The following DRP2 variants were observed in gnomAD, a reference collection of about 807,000 sequenced individuals.
The protein encoded by DRP2 is dystrophin related protein 2, also known as dystrophin-related protein 2.
DRP2 carries 29 observed loss-of-function variants against 78.2 expected under a neutral mutation model. The observed-to-expected ratio is 0.37, with a 90% CI of 0.28 to 0.51. The LOEUF is 0.51. Among genes scored for constraint, DRP2 ranks in the 20% least tolerant of loss-of-function variants. The pLI, the probability that DRP2 is intolerant of heterozygous loss-of-function variation, is 0.94. For synonymous variants in DRP2, 290 were observed against 281.9 expected (o/e 1.03, Z -0.29); for missense variants, 686 against 770.6 (o/e 0.89, Z 1.30).
intron 16 of DRP2, chrX:101,251,349 A>G (rs1418271065): frequency 4.7e-6 from 1 of 214,651 alleles, no homozygotes; most frequent in East Asian, 8.9e-5. Context: ...AAGAGCACCT[A>G]TGTACTAAAT....
intron 6 of DRP2, among the ~76,000 whole-genome samples, chrX:101,239,528 T>C (rs751695864): frequency 8.9e-6 from 1 of 111,834 alleles, no homozygotes; most frequent in East Asian, 2.8e-4. Context: ...AGATCACTTG[T>C]GCCCAGAAAT....
At chrX:101,254,366 C>A in intron 17 of DRP2, 59 bp from the exon 18 acceptor site, 1 of 1,196,255 alleles carries the variant, frequency 8.4e-7, no homozygotes, top group Non-Finnish European at 1.1e-6. Context: ...AGCAGCCACA[C>A]CTGCCCAGTA....
chrX:101,224,191 G>GTTTTTTTTTT (rs1167730116), intron 1 of DRP2, among the ~76,000 whole-genome samples: 656 of 38,767 alleles, frequency 0.017, 32 homozygotes, highest in Middle Eastern at 0.043. Flanking sequence ...GGTTTTTTTT[G>GTTTTTTTTTT]TTTTTTTTTT....
In DRP2 at chrX:101,231,746, C is replaced by G. The variant is rs200044530; in HGVS notation, c.99C>G (p.Ser33Arg). 1 of 1,205,226 alleles carries G rather than the reference C, an allele frequency of 8.3e-7. No homozygotes were observed. Among genetic ancestry groups the G allele is most frequent in the African/African-American group, 1.8e-5 (1 of 56,897 alleles). The change falls in exon 3 of 24, where the codon AGC becomes AGG. Residue 33 changes from serine to arginine, a missense_variant. Transcript: ENST00000395209. ...TCCATCATAGCAGCAGCCTCCGAAG[C>G]ACCTGCCCCCACCCTCAGGTAAGAG... Reference protein sequence around the residue: ...DQFHHSSSLRSTCPHPQVRAA... With the variant: ...DQFHHSSSLRRTCPHPQVRAA...
At chrX:101,241,584 A>G (rs1371428138) in intron 6 of DRP2, 84 bp from the exon 7 acceptor site, 1 of 1,092,757 alleles carries the variant, frequency 9.2e-7, no homozygotes, top group Non-Finnish European at 1.2e-6. Flanking sequence ...ATACACACAC[A>G]TTTTATAAAG....
Position 101,248,589 on chromosome X carries a change from A to G in DRP2, c.1530A>G (p.Glu510=). The G allele has an allele frequency of 8.3e-7, 1 of 1,210,891 alleles. No individual in the cohort carries two copies. The highest frequency in any genetic ancestry group is 1.1e-6 in the Non-Finnish European group (1 of 894,419). ...IACLCGTEVK[E]KLQYLFSQVA... ...GCTTGTGTGGCACGGAAGTGAAGGAAAAACTTCAGTGTGAGTAGAACTCCA... is the reference window on the plus strand; with the variant it reads ...GCTTGTGTGGCACGGAAGTGAAGGAGAAACTTCAGTGTGAGTAGAACTCCA... The change falls in exon 14 of 24, where the codon GAA becomes GAG. Residue 510 remains glutamate (E), a synonymous_variant. Coordinates refer to ENST00000395209, the MANE Select transcript of DRP2 (RefSeq NM_001939.3).
At chrX:101,240,333 C>CCAGCCTCAGCCT (rs59026909) in intron 6 of DRP2, among the ~76,000 whole-genome samples, 4 of 108,810 alleles carry the variant, frequency 3.7e-5, no homozygotes, top group Admixed American at 2.0e-4. Context: ...AAGCTATCCT[C>CCAGCCTCAGCCT]CAGCCTCAGC....
At position 101,258,472 on chromosome X, in the gene DRP2, C is replaced by T. The variant is rs1569509960; in HGVS notation, c.2554C>T (p.Arg852Cys). 9 of 1,198,615 alleles carry T rather than the reference C, an allele frequency of 7.5e-6. No individual in the cohort carries two copies. The highest frequency in any genetic ancestry group is 2.3e-5 in the Admixed American group (1 of 44,289). ...GCAACATAAGAGCCGCCTGGAGACG[C>T]GCATGCAGATCCTCGAAGATCACAA... ...LRQHKSRLETRMQILEDHNKQ... is the reference protein window; with the variant it reads ...LRQHKSRLETCMQILEDHNKQ... The change falls in exon 22 of 24, where the codon CGC (arginine) becomes TGC (cysteine). Residue 852 changes from arginine to cysteine, a missense_variant. Arg to Cys is a radical substitution (Grantham distance 180). Transcript: ENST00000395209.
intron 17 of DRP2, among the ~76,000 whole-genome samples, chrX:101,253,626 A>G (rs1395856981): frequency 1.1e-5 from 1 of 88,810 alleles, no homozygotes; most frequent in Non-Finnish European, 2.1e-5. Context: ...GCTCACTGCA[A>G]CCTCTGCCTC....
rs989493767 is a variant in DRP2 at position 101,264,171 on chromosome X, G to A, written c.*3550G>A. 8.9e-6 allele frequency: 1 copy of A among 112,182 alleles called. No individual in the cohort carries two copies. The highest frequency in any genetic ancestry group is 1.9e-5 in the Non-Finnish European group (1 of 53,248). 9.2% of individuals were successfully genotyped at this position (112,182 alleles called of 1,213,427 possible). On this transcript the variant is annotated 3_prime_UTR_variant, in exon 24 of 24. Coordinates refer to ENST00000395209, the MANE Select transcript of DRP2 (RefSeq NM_001939.3). The stretch of plus-strand genomic sequence containing the variant: ...ACCAATGGCTGTGGGAGAAGGAAAG[G>A]CTCAAGGCCAGGGCTCAGCTCGCAG...
In DRP2 at chrX:101,231,780, T is replaced by A. The variant is rs1021271160; in HGVS notation, c.117+16T>A. Reference sequence around the variant, plus strand: ...CCACCCTCAGGTAAGAGTCTGATAGTGAAAGAAAGACCTGTGGAGAAAGTG... The same window carrying A: ...CCACCCTCAGGTAAGAGTCTGATAGAGAAAGAAAGACCTGTGGAGAAAGTG... On this transcript the variant is annotated intron_variant, in intron 3 of 23. Coordinates refer to ENST00000395209, the MANE Select transcript of DRP2 (RefSeq NM_001939.3). 3.4e-6 allele frequency: 4 copies of A among 1,173,448 alleles called. No homozygotes were observed. Among genetic ancestry groups the A allele is most frequent in the Non-Finnish European group, 4.6e-6 (4 of 865,599 alleles).
At position 101,231,615 on chromosome X, in the gene DRP2, C is replaced by T. The variant is rs779596724; in HGVS notation, c.-33C>T. 8.9e-7 allele frequency: 1 copy of T among 1,127,536 alleles called. No individual in the cohort carries two copies. Among genetic ancestry groups the T allele is most frequent in the South Asian group, 1.8e-5 (1 of 54,975 alleles). 92.9% of individuals were successfully genotyped at this position (1,127,536 alleles called of 1,213,427 possible). On this transcript the variant is annotated 5_prime_UTR_variant, in exon 3 of 24. Transcript: ENST00000395209. ...TAATGATCAATAGTTGGTGCACTGCCTATCCTCATCCCCCCCATGAGCCTT... is the reference window on the plus strand; with the variant it reads ...TAATGATCAATAGTTGGTGCACTGCTTATCCTCATCCCCCCCATGAGCCTT...
Position 101,254,693 on chromosome X carries a change from G to T in DRP2, c.2114+132G>T, listed in dbSNP as rs754065064. 53 of 1,066,645 alleles carry T rather than the reference G, an allele frequency of 5.0e-5. No homozygotes were observed. The African/African-American group carries it at 7.9e-4, about 16-fold the overall frequency. 87.9% of individuals were successfully genotyped at this position (1,066,645 alleles called of 1,213,427 possible). On this transcript the variant is annotated intron_variant, in intron 18 of 23. Coordinates refer to ENST00000395209, the MANE Select transcript of DRP2 (RefSeq NM_001939.3). Reference sequence around the variant, plus strand: ...ATCCCACTAGTGATAGGGCCGTTCAGCTTGGGCCTGACCTGCACTCTGGCC... The same window carrying T: ...ATCCCACTAGTGATAGGGCCGTTCATCTTGGGCCTGACCTGCACTCTGGCC...
intron 16 of DRP2, chrX:101,251,436 C>A (rs1923138769): frequency 7.5e-6 from 1 of 133,481 alleles, no homozygotes; most frequent in Non-Finnish European, 1.5e-5. Flanking sequence ...TTGCTAATTT[C>A]TGTGATGTAT....
In DRP2 at chrX:101,240,535, G is replaced by A. The variant is rs748676901; in HGVS notation, c.560-1133G>A. ...CAGGTGTAAGCCACTGCCCCCAGCC[G>A]ACTGTGACTCTTTGATACTGACTCC... On this transcript the variant is annotated intron_variant, in intron 6 of 23. Transcript: ENST00000395209. Among the ~76,000 whole-genome samples, 3 of 112,254 alleles carry A rather than the reference G, an allele frequency of 2.7e-5. 1 individual carries two copies.
intron 8 of DRP2, 33 bp from the exon 9 acceptor site, chrX:101,242,871 G>C: frequency 3.4e-6 from 4 of 1,177,905 alleles, no homozygotes. Flanking sequence ...TAGCTGGAAT[G>C]AATCTACTGA....
At chrX:101,224,372 G>A (rs1922036829) in intron 1 of DRP2, among the ~76,000 whole-genome samples, 1 of 81,898 alleles carries the variant, frequency 1.2e-5, no homozygotes, top group Non-Finnish European at 2.3e-5. Flanking sequence ...TCCAGCCTGG[G>A]CGACAGAGCG....
At chrX:101,252,310 T>C (rs2147349249) in intron 16 of DRP2, among the ~76,000 whole-genome samples, 1 of 111,481 alleles carries the variant, frequency 9.0e-6, no homozygotes, top group South Asian at 3.8e-4. Flanking sequence ...TGATGAGATA[T>C]TTACCCCTGC....
intron 15 of DRP2, 102 bp downstream of exon 15, chrX:101,250,682 A>G (rs1923104051): frequency 5.7e-6 from 6 of 1,056,072 alleles, no homozygotes; most frequent in Non-Finnish European, 7.6e-6. Context: ...TGAAGTACGC[A>G]GATGCAAGGG....
Sources: gnomAD v4.1 joint callset for allele counts (sites outside exome capture counted in the v4.1 genomes callset) on GRCh38, gnomAD v4.1.1 for gene constraint, MANE v1.5 for transcripts, NCBI Gene and HGNC (gene_info 2026-07-23, HGNC 2026-07-21) for gene names.